GABRA4: variants seen among roughly 807,000 people sequenced by gnomAD.
GABRA4 encodes gamma-aminobutyric acid type A receptor subunit alpha4, also known as gamma-aminobutyric acid receptor subunit alpha-4.
In GABRA4, 12 loss-of-function variants were observed where a neutral mutation model predicts 49.7. The observed-to-expected ratio is 0.24, with a 90% CI of 0.15 to 0.39. The LOEUF (loss-of-function observed/expected upper bound fraction) is 0.39. Ranked by LOEUF, GABRA4 falls within the 10% of genes least tolerant of loss-of-function variation. The pLI, the probability that GABRA4 is intolerant of heterozygous loss-of-function variation, is 1.00. For synonymous variants in GABRA4, 288 were observed against 240.2 expected (o/e 1.20, Z -1.84); for missense variants, 506 against 686.0 (o/e 0.74, Z 2.93).
intron 7 of GABRA4, among the ~76,000 whole-genome samples, chr4:46,966,231 AT>A (rs1421192240): frequency 1.3e-5 from 2 of 151,728 alleles, no homozygotes; most frequent in African/African-American, 4.8e-5. Flanking sequence ...ATTTAAACTG[AT>A]TCTATATAAT....
At chr4:46,929,117 A>G (rs1452461629) in intron 8 of GABRA4, among the ~76,000 whole-genome samples, 1 of 151,996 alleles carries the variant, frequency 6.6e-6, no homozygotes, top group Non-Finnish European at 1.5e-5. Context: ...CTTTATTGCA[A>G]ATAATATTCT....
chr4:46,924,927 A>C lies in GABRA4; in HGVS notation c.*3298T>G, dbSNP rs1721161588. The C allele has an allele frequency of 6.6e-6, 1 of 151,964 alleles. No individual in the cohort carries two copies. The highest frequency in any genetic ancestry group is 2.1e-4 in the South Asian group (1 of 4,828). The allele number at this position is 151,964 out of a possible 1,614,324, so 9.4% of individuals were successfully genotyped here. On this transcript the variant is annotated 3_prime_UTR_variant, in exon 9 of 9. Coordinates refer to ENST00000264318, the MANE Select transcript of GABRA4 (RefSeq NM_000809.4). Reference sequence around the variant, plus strand: ...AGAGACTTGTTTAAAACCACAAGACACTCAGAACTTGAAATTAAGTGACCC... The same window carrying C: ...AGAGACTTGTTTAAAACCACAAGACCCTCAGAACTTGAAATTAAGTGACCC...
intron 7 of GABRA4, among the ~76,000 whole-genome samples, chr4:46,966,653 C>T (rs1302504031): frequency 6.6e-6 from 1 of 151,590 alleles, no homozygotes; most frequent in Non-Finnish European, 1.5e-5. Context: ...CTCATTTTTC[C>T]AGTTCCTCAC....
chr4:46,983,189 A>T (rs1005369409), intron 2 of GABRA4, among the ~76,000 whole-genome samples: 1 of 152,100 alleles, frequency 6.6e-6, no homozygotes, highest in Admixed American at 6.6e-5. Flanking sequence ...ACTATACTAC[A>T]TTATATCACC....
chr4:46,938,704 A>G (rs191836663), intron 8 of GABRA4, among the ~76,000 whole-genome samples: 32 of 152,176 alleles, frequency 2.1e-4, no homozygotes, highest in Non-Finnish European at 4.3e-4. Context: ...TTTTTAGTGA[A>G]AAATAGTTCA....
At position 46,979,040 on chromosome 4, in the gene GABRA4, A is replaced by G; in HGVS notation, c.264T>C (p.Asp88=). The change falls in exon 3 of 9, where the codon GAT becomes GAC. Residue 88 remains aspartate (D), a synonymous_variant. Coordinates refer to ENST00000264318, the MANE Select transcript of GABRA4 (RefSeq NM_000809.4). The part of the protein sequence containing the change: ...IYVTSFGPVS[D]VEMEYTMDVF... ...CTTCGAAAATACCTACCATTTCAAC[A>G]TCAGAAACAGGTCCAAAGCTGGTGA... 6.2e-7 allele frequency: 1 copy of G among 1,608,770 alleles called. No individual in the cohort carries two copies. The highest frequency in any genetic ancestry group is 8.5e-7 in the Non-Finnish European group (1 of 1,175,764).
chr4:46,989,283 G>A (rs923278910), intron 2 of GABRA4, among the ~76,000 whole-genome samples: 1 of 152,172 alleles, frequency 6.6e-6, no homozygotes, highest in Non-Finnish European at 1.5e-5. Context: ...ATGTAACAGT[G>A]TTACAGTGTT....
intron 8 of GABRA4, among the ~76,000 whole-genome samples, chr4:46,964,419 G>A (rs1431458390): frequency 6.6e-6 from 1 of 151,704 alleles, no homozygotes; most frequent in Non-Finnish European, 1.5e-5. Flanking sequence ...GAATGTACTT[G>A]GACTGTTTGT....
intron 7 of GABRA4, among the ~76,000 whole-genome samples, chr4:46,966,110 A>G (rs1722743354): frequency 6.6e-6 from 1 of 151,776 alleles, no homozygotes; most frequent in Non-Finnish European, 1.5e-5. Flanking sequence ...GTAACACATT[A>G]TTTAAGAATG....
intron 7 of GABRA4, among the ~76,000 whole-genome samples, chr4:46,969,707 G>T (rs1254533645): frequency 4.6e-5 from 7 of 151,468 alleles, no homozygotes; most frequent in Non-Finnish European, 1.5e-5. Context: ...GTCTATGAGG[G>T]TGAGATGTAT....
chr4:46,951,774 G>A (rs923069840), intron 8 of GABRA4, among the ~76,000 whole-genome samples: 2 of 143,616 alleles, frequency 1.4e-5, no homozygotes, highest in African/African-American at 5.1e-5. Context: ...GTATATATAT[G>A]TGTGTATATA....
rs1720894972 is a variant in GABRA4 at position 46,919,513 on chromosome 4, T to C, written c.*8712A>G. On this transcript the variant is annotated 3_prime_UTR_variant, in exon 9 of 9. Coordinates refer to ENST00000264318, the MANE Select transcript of GABRA4 (RefSeq NM_000809.4). ...TGTTATAAATATCACACTTTATATTTACTATTCTAATTGAGCAAGAATATT... is the reference window on the plus strand; with the variant it reads ...TGTTATAAATATCACACTTTATATTCACTATTCTAATTGAGCAAGAATATT... The C allele has an allele frequency of 6.6e-6, 1 of 151,660 alleles. No homozygotes were observed. Among genetic ancestry groups the C allele is most frequent in the African/African-American group, 2.4e-5 (1 of 41,424 alleles). The allele number at this position is 151,660 out of a possible 1,614,324, so 9.4% of individuals were successfully genotyped here. A position where few individuals can be genotyped will look rare whatever the true frequency, so the allele number is the denominator to read the frequency against.
At chr4:46,943,493 T>C (rs1721884897) in intron 8 of GABRA4, among the ~76,000 whole-genome samples, 1 of 152,176 alleles carries the variant, frequency 6.6e-6, no homozygotes, top group Non-Finnish European at 1.5e-5. Flanking sequence ...ACACTATAAA[T>C]GTGATCATGT....
intron 8 of GABRA4, among the ~76,000 whole-genome samples, chr4:46,935,594 AG>A (rs1169888083): frequency 6.6e-5 from 10 of 151,814 alleles, no homozygotes; most frequent in Non-Finnish European, 1.2e-4. Flanking sequence ...AGGAAAGAAT[AG>A]TCTATGGAGT....
intron 7 of GABRA4, among the ~76,000 whole-genome samples, chr4:46,970,760 T>C (rs906397406): frequency 7.3e-5 from 11 of 151,578 alleles, no homozygotes; most frequent in Non-Finnish European, 1.0e-4. Flanking sequence ...CATGGAGATA[T>C]AATTTTAATT....
At chr4:46,984,695 C>T (rs549802679) in intron 2 of GABRA4, among the ~76,000 whole-genome samples, 23 of 152,008 alleles carry the variant, frequency 1.5e-4, no homozygotes, top group African/African-American at 5.3e-4. Context: ...TATTCAACCA[C>T]GTTAAAACAT....
At chr4:46,983,542 A>G (rs1168889550) in intron 2 of GABRA4, among the ~76,000 whole-genome samples, 2 of 152,138 alleles carry the variant, frequency 1.3e-5, no homozygotes, top group African/African-American at 4.8e-5. Context: ...CACAGCAGTT[A>G]AACTAAAAAT....
At chr4:46,952,441 CA>C (rs2109359503) in intron 8 of GABRA4, among the ~76,000 whole-genome samples, 1 of 152,148 alleles carries the variant, frequency 6.6e-6, no homozygotes, top group African/African-American at 2.4e-5. Context: ...CAAAATTGAT[CA>C]AAATACATAA....
chr4:46,922,983 G>A lies in GABRA4; in HGVS notation c.*5242C>T, dbSNP rs1512140. 36,908 of 151,856 alleles carry A rather than the reference G, an allele frequency of 0.24. 4,687 individuals are homozygous for A. The highest frequency in any genetic ancestry group is 0.29 in the East Asian group (1,472 of 5,122). 9.4% of individuals were successfully genotyped at this position (151,856 alleles called of 1,614,324 possible). On this transcript the variant is annotated 3_prime_UTR_variant, in exon 9 of 9. Coordinates refer to ENST00000264318, the MANE Select transcript of GABRA4 (RefSeq NM_000809.4). The stretch of plus-strand genomic sequence containing the variant: ...GAGCTCTGCCTCCTGTCAGATTAGC[G>A]GCGGCATTAGATTCTCATAGGAGGG...
Sources: allele counts gnomAD v4.1 joint callset (sites outside exome capture counted in the v4.1 genomes callset), GRCh38; gene constraint gnomAD v4.1.1; transcripts MANE v1.5; gene names NCBI Gene and HGNC (gene_info 2026-07-23, HGNC 2026-07-21).